Variants in CDH12 observed in about 807,000 individuals in gnomAD.
CDH12 encodes the protein cadherin 12, also known as cadherin-12.
Under a neutral mutation model 74.1 loss-of-function variants are expected in CDH12, and 41 were observed. That is an observed-to-expected ratio of 0.55 (90% CI 0.43 to 0.72). The LOEUF (loss-of-function observed/expected upper bound fraction) is 0.72. Among genes scored for constraint, CDH12 ranks in the 30% least tolerant of loss-of-function variants. CDH12 has a pLI of 0.00. For synonymous variants in CDH12, 399 were observed against 355.0 expected (o/e 1.12, Z -1.39); for missense variants, 945 against 977.2 (o/e 0.97, Z 0.44).
At chr5:22,387,589 T>C (rs1742053329) in intron 3 of CDH12, among the ~76,000 whole-genome samples, 1 of 152,066 alleles carries the variant, frequency 6.6e-6, no homozygotes, top group African/African-American at 2.4e-5. Context: ...ATATAGAATA[T>C]TGAATATGTA....
At chr5:22,154,575 ATATG>A (rs1018649956) in intron 4 of CDH12, among the ~76,000 whole-genome samples, 1 of 149,892 alleles carries the variant, frequency 6.7e-6, no homozygotes, top group African/African-American at 2.5e-5. Flanking sequence ...ACATATGTAT[ATATG>A]TATATGTGTA....
intron 1 of CDH12, among the ~76,000 whole-genome samples, chr5:22,840,335 G>A (rs1737027899): frequency 6.6e-6 from 1 of 151,984 alleles, no homozygotes; most frequent in Admixed American, 6.6e-5. Flanking sequence ...TGTTGGCCAG[G>A]ATGGTCTCGA....
chr5:22,633,887 CTCTTTA>C (rs1738704322), intron 1 of CDH12, among the ~76,000 whole-genome samples: 1 of 152,120 alleles, frequency 6.6e-6, no homozygotes, highest in Non-Finnish European at 1.5e-5. Context: ...CCTATTAATT[CTCTTTA>C]TCTACAGAGC....
intron 2 of CDH12, among the ~76,000 whole-genome samples, chr5:22,466,586 C>T (rs555577677): frequency 1.1e-4 from 16 of 152,006 alleles, no homozygotes; most frequent in Non-Finnish European, 2.1e-4. Flanking sequence ...AAGGAGAAAA[C>T]CACAGGCTCT....
At chr5:21,992,497 TTTATTA>T (rs1006558975) in intron 5 of CDH12, among the ~76,000 whole-genome samples, 1 of 151,910 alleles carries the variant, frequency 6.6e-6, no homozygotes, top group Non-Finnish European at 1.5e-5. Context: ...AAGCTACTAA[TTTATTA>T]TTATTATTAT....
At chr5:21,931,708 T>A (rs1246291100) in intron 6 of CDH12, among the ~76,000 whole-genome samples, 2 of 152,206 alleles carry the variant, frequency 1.3e-5, no homozygotes, top group Admixed American at 6.5e-5. Flanking sequence ...AATGCACTAA[T>A]TCCAAAATAG....
At chr5:22,754,326 AC>A (rs1745765937) in intron 1 of CDH12, among the ~76,000 whole-genome samples, 1 of 152,220 alleles carries the variant, frequency 6.6e-6, no homozygotes, top group Admixed American at 6.5e-5. Flanking sequence ...TGTTCTAAGT[AC>A]TGGGGTAACA....
At chr5:22,317,702 A>G (rs951004703) in intron 3 of CDH12, among the ~76,000 whole-genome samples, 3 of 152,214 alleles carry the variant, frequency 2.0e-5, no homozygotes, top group African/African-American at 4.8e-5. Context: ...ATAATATCCA[A>G]TTGCACAATA....
At chr5:22,485,705 A>G (rs1035406290) in intron 2 of CDH12, among the ~76,000 whole-genome samples, 1 of 152,168 alleles carries the variant, frequency 6.6e-6, no homozygotes, top group African/African-American at 2.4e-5. Context: ...ATATATTCAC[A>G]TGGACTAACA....
At chr5:22,688,646 A>C (rs1290020496) in intron 1 of CDH12, among the ~76,000 whole-genome samples, 1 of 152,200 alleles carries the variant, frequency 6.6e-6, no homozygotes, top group East Asian at 1.9e-4. Flanking sequence ...CTGAAAGGAA[A>C]CTTCTGAAGA....
chr5:22,038,056 G>A (rs114397543), intron 5 of CDH12, among the ~76,000 whole-genome samples: 2,653 of 152,310 alleles, frequency 0.017, 78 homozygotes, highest in African/African-American at 0.06. Context: ...AGCTTCTGGA[G>A]TCCATACCAC....
At chr5:22,032,501 G>A (rs1738886121) in intron 5 of CDH12, among the ~76,000 whole-genome samples, 2 of 151,756 alleles carry the variant, frequency 1.3e-5, no homozygotes, top group South Asian at 4.2e-4. Flanking sequence ...ACCTGAGGTT[G>A]GGCATTCAAG....
rs184074503 is a variant in CDH12 at position 21,939,349 on chromosome 5, T to C, written c.526+35742A>G. Reference sequence around the variant, plus strand: ...ACACAATATGTAATAATTAGACTTTTAAAATGCCAGTAAGGTAATATATAC... The same window carrying C: ...ACACAATATGTAATAATTAGACTTTCAAAATGCCAGTAAGGTAATATATAC... On this transcript the variant is annotated intron_variant, in intron 6 of 14. Transcript: ENST00000382254. Among the ~76,000 whole-genome samples, 400 of 151,896 alleles carry C rather than the reference T, an allele frequency of 2.6e-3. 2 individuals carry two copies. Among genetic ancestry groups the C allele is most frequent in the African/African-American group, 9.2e-3 (382 of 41,534 alleles).
chr5:22,569,241 G>T (rs557815535), intron 1 of CDH12, among the ~76,000 whole-genome samples: 2 of 152,286 alleles, frequency 1.3e-5, no homozygotes, highest in East Asian at 3.9e-4. Flanking sequence ...TTGGGTGAAG[G>T]GGGTGGATCC....
intron 1 of CDH12, among the ~76,000 whole-genome samples, chr5:22,631,078 CA>C (rs1561540248): frequency 6.6e-6 from 1 of 152,016 alleles, no homozygotes; most frequent in Non-Finnish European, 1.5e-5. Flanking sequence ...ATCAAAACAA[CA>C]ATGAGATACC....
intron 1 of CDH12, among the ~76,000 whole-genome samples, chr5:22,756,098 G>GAAAAAAAAAA (rs60067455): frequency 1.5e-4 from 13 of 87,322 alleles, no homozygotes; most frequent in Admixed American, 2.7e-4. Flanking sequence ...TTCAAGGACC[G>GAAAAAAAAAA]AAAAAAAAAA....
At position 22,038,408 on chromosome 5, in the gene CDH12, G is replaced by A. The variant is rs116610672; in HGVS notation, c.231+40038C>T. 4.6e-3 allele frequency among the ~76,000 whole-genome samples: 700 copies of A among 152,264 alleles called. 9 individuals are homozygous for A. Among genetic ancestry groups the A allele is most frequent in the African/African-American group, 0.016 (671 of 41,560 alleles). Reference sequence around the variant, plus strand: ...CCTCCTGGGGAAATGGTGCCTTGATGTTGCTGCTGTATCTGCCCCTCCCAG... The same window carrying A: ...CCTCCTGGGGAAATGGTGCCTTGATATTGCTGCTGTATCTGCCCCTCCCAG... On this transcript the variant is annotated intron_variant, in intron 5 of 14. Transcript: ENST00000382254.
At chr5:21,878,500 A>C (rs1366978985) in intron 6 of CDH12, among the ~76,000 whole-genome samples, 1 of 150,430 alleles carries the variant, frequency 6.6e-6, no homozygotes, top group Non-Finnish European at 1.5e-5. Context: ...AGGCTAAGGA[A>C]GGTGGATCAC....
intron 3 of CDH12, among the ~76,000 whole-genome samples, chr5:22,373,999 A>T (rs943050583): frequency 6.6e-6 from 1 of 152,160 alleles, no homozygotes; most frequent in African/African-American, 2.4e-5. Context: ...CCAAATAAGG[A>T]TACAGCAACA....
Sources: gnomAD v4.1 joint callset for allele counts (sites outside exome capture counted in the v4.1 genomes callset) on GRCh38, gnomAD v4.1.1 for gene constraint, MANE v1.5 for transcripts, NCBI Gene and HGNC (gene_info 2026-07-23, HGNC 2026-07-21) for gene names.